The following ERGIC1 variants were observed in gnomAD, a reference collection of about 807,000 sequenced individuals.
ERGIC1 encodes the protein endoplasmic reticulum-Golgi intermediate compartment protein 1.
ERGIC1 carries 19 observed loss-of-function variants against 38.3 expected under a neutral mutation model. That is an observed-to-expected ratio of 0.50 (90% confidence interval 0.35 to 0.73). The LOEUF is 0.73. Among genes scored for constraint, ERGIC1 ranks in the 30% least tolerant of loss-of-function variants. ERGIC1 has a pLI of 0.01. For synonymous variants in ERGIC1, 124 were observed against 157.6 expected (o/e 0.79, Z 1.60); for missense variants, 294 against 389.2 (o/e 0.76, Z 2.06).
In ERGIC1 at chr5:172,841,253, C is replaced by T. The variant is rs559908516; in HGVS notation, c.20+6820C>T. ...TTTGTTTAAAAAAAATCTTGACCCA[C>T]GGGAGAGGCAGGGTGAACTCAGGGT... On this transcript the variant is annotated intron_variant, in intron 1 of 9. Transcript: ENST00000393784. Among the ~76,000 whole-genome samples, 22 of 152,290 alleles carry T rather than the reference C, an allele frequency of 1.4e-4. No homozygotes were observed. The South Asian group carries it at 1.9e-3, about 13-fold the overall frequency.
Position 172,907,684 on chromosome 5 carries a change from T to C in ERGIC1, c.156-1983T>C, listed in dbSNP as rs150171727. ...GCCTTTGCACATGCTGCCAGGATGA[T>C]GCCTACGCATCCCCCAGACCTCAAT... is the stretch of plus-strand genomic sequence containing the variant. On this transcript the variant is annotated intron_variant, in intron 3 of 9. Transcript: ENST00000393784. Among the ~76,000 whole-genome samples, 495 of 152,304 alleles carry C rather than the reference T, an allele frequency of 3.3e-3. 2 individuals are homozygous for C. The highest frequency in any genetic ancestry group is 0.012 in the African/African-American group (484 of 41,558).
chr5:172,915,544 A>G (rs777570412), intron 5 of ERGIC1: 8 of 469,210 alleles, frequency 1.7e-5, no homozygotes, highest in Admixed American at 7.1e-5. Context: ...TCCTAAGTCA[A>G]GTGGGTGAAC....
chr5:172,837,128 C>T lies in ERGIC1; in HGVS notation c.20+2695C>T, dbSNP rs146410250. Among the ~76,000 whole-genome samples the T allele has an allele frequency of 6.4e-4, 97 of 152,306 alleles. No individual in the cohort carries two copies. The East Asian group carries it at 0.016, about 25-fold the overall frequency. ...CAAGGCCAGGGAGAAAACCAGCCGT[C>T]CTGCTCGTGTTCCCCTTCTTAAAAT... On this transcript the variant is annotated intron_variant, in intron 1 of 9. Transcript: ENST00000393784. This position sits in a 1 kb window ranked among gnomAD's most constrained non-coding sequence, Gnocchi z 4.3.
At chr5:172,893,868 G>GATATATATATATAT (rs1191189327) in intron 2 of ERGIC1, among the ~76,000 whole-genome samples, 3 of 28,252 alleles carry the variant, frequency 1.1e-4, no homozygotes, top group African/African-American at 1.5e-4. Flanking sequence ...CACTTAGGGG[G>GATATATATATATAT]ATATATATAT....
At chr5:172,907,926 G>A (rs1010686686) in intron 3 of ERGIC1, among the ~76,000 whole-genome samples, 3 of 152,126 alleles carry the variant, frequency 2.0e-5, no homozygotes, top group African/African-American at 7.2e-5. Context: ...CTCCTGACAG[G>A]TAGTAGGTAC....
Position 172,884,533 on chromosome 5 carries a change from G to T in ERGIC1, c.21-4166G>T, listed in dbSNP as rs561625467. On this transcript the variant is annotated intron_variant, in intron 1 of 9. Transcript: ENST00000393784. Reference sequence around the variant, plus strand: ...GCCTCCCAAACTGCTGGAATTACAAGCATGAGCCACTGACTGTGTCTGGCC... The same window carrying T: ...GCCTCCCAAACTGCTGGAATTACAATCATGAGCCACTGACTGTGTCTGGCC... Among the ~76,000 whole-genome samples the T allele has an allele frequency of 1.3e-4, 20 of 152,328 alleles. No individual in the cohort carries two copies. In the South Asian group the frequency reaches 4.1e-3, roughly 32 times the overall value.
At chr5:172,917,492 G>C (rs1389185111) in intron 5 of ERGIC1, 1 of 152,130 alleles carries the variant, frequency 6.6e-6, no homozygotes, top group Non-Finnish European at 1.5e-5. Flanking sequence ...GCCCCCCTAA[G>C]ACCCACCGAC....
intron 4 of ERGIC1, 77 bp downstream of exon 4, chr5:172,909,838 TC>T (rs1763163366): frequency 2.3e-6 from 3 of 1,323,266 alleles, no homozygotes; most frequent in Non-Finnish European, 3.3e-6. Flanking sequence ...AATGGCAAGA[TC>T]TCCAGGACAA....
At chr5:172,946,165 G>A (rs1764117260) in intron 9 of ERGIC1, among the ~76,000 whole-genome samples, 1 of 152,178 alleles carries the variant, frequency 6.6e-6, no homozygotes, top group Non-Finnish European at 1.5e-5. Context: ...CAGCAGGGAG[G>A]TGCACACCTC....
chr5:172,915,674 G>C, intron 5 of ERGIC1: 1 of 470,448 alleles, frequency 2.1e-6, no homozygotes, highest in South Asian at 1.5e-5. Context: ...ACGCTGTGAG[G>C]CAGCACCATT....
chr5:172,890,781 G>A (rs1762540304), intron 2 of ERGIC1, among the ~76,000 whole-genome samples: 1 of 152,172 alleles, frequency 6.6e-6, no homozygotes, highest in South Asian at 2.1e-4. Flanking sequence ...CCCCCTGATG[G>A]TCCCAGCCCT....
intron 5 of ERGIC1, chr5:172,916,729 GCA>G (rs1221309894): frequency 1.3e-5 from 2 of 152,196 alleles, no homozygotes; most frequent in African/African-American, 4.8e-5. Context: ...TGTAATCCCA[GCA>G]CTTTGGGAGG....
chr5:172,918,062 T>C (rs1038562710), intron 5 of ERGIC1: 4 of 152,104 alleles, frequency 2.6e-5, no homozygotes, highest in Non-Finnish European at 5.9e-5. Flanking sequence ...GAGGCCGAGG[T>C]GGGAGGGTCT....
rs1449970484 is a variant in ERGIC1 at position 172,924,119 on chromosome 5, G to A, written c.480+10G>A. 1 of 1,613,180 alleles carries A rather than the reference G, an allele frequency of 6.2e-7. No individual in the cohort carries two copies. Among genetic ancestry groups the A allele is most frequent in the Non-Finnish European group, 8.5e-7 (1 of 1,179,536 alleles). Reference sequence around the variant, plus strand: ...TGGGGACACGCTACAGGTGAGCAGGGGACACTCGAGATGGCATGGCCGGGG... The same window carrying A: ...TGGGGACACGCTACAGGTGAGCAGGAGACACTCGAGATGGCATGGCCGGGG... On this transcript the variant is annotated intron_variant, in intron 6 of 9. Coordinates refer to ENST00000393784, the MANE Select transcript of ERGIC1 (RefSeq NM_001031711.3).
intron 2 of ERGIC1, 138 bp from the exon 3 acceptor site, chr5:172,896,864 T>G (rs1471336926): frequency 1.4e-6 from 1 of 725,282 alleles, no homozygotes; most frequent in Non-Finnish European, 2.3e-6. Flanking sequence ...GAGGCTCGAG[T>G]CAGAAGGGGC....
intron 3 of ERGIC1, among the ~76,000 whole-genome samples, chr5:172,908,887 C>T (rs908257852): frequency 3.3e-5 from 5 of 152,162 alleles, no homozygotes; most frequent in East Asian, 1.9e-4. Context: ...CCTGGCTTCC[C>T]GGCTGGGGGA....
At chr5:172,875,732 C>T (rs1244186919) in intron 1 of ERGIC1, among the ~76,000 whole-genome samples, 2 of 152,156 alleles carry the variant, frequency 1.3e-5, no homozygotes, top group Non-Finnish European at 2.9e-5. Context: ...TAACAGATTA[C>T]AGTCATGAGC....
chr5:172,943,942 G>A (rs1276763167), intron 9 of ERGIC1, among the ~76,000 whole-genome samples: 2 of 152,260 alleles, frequency 1.3e-5, no homozygotes, highest in East Asian at 1.9e-4. Flanking sequence ...AAACACACAC[G>A]CACCCCTTTT....
At chr5:172,899,032 T>C (rs879401337) in intron 3 of ERGIC1, among the ~76,000 whole-genome samples, 1 of 152,178 alleles carries the variant, frequency 6.6e-6, no homozygotes, top group Admixed American at 6.5e-5. Context: ...GGAGGGGACC[T>C]GCTTGGCTTG....
Sources: allele counts gnomAD v4.1 joint callset (sites outside exome capture counted in the v4.1 genomes callset), GRCh38; gene constraint gnomAD v4.1.1; non-coding constraint Gnocchi (gnomAD v3.1); transcripts MANE v1.5; gene names NCBI Gene and HGNC (gene_info 2026-07-23, HGNC 2026-07-21).